Variants in PRRX1 observed in about 807,000 individuals in gnomAD.
PRRX1 encodes the protein paired related homeobox 1, also known as paired mesoderm homeobox protein 1.
Under a neutral mutation model 24.0 loss-of-function variants are expected in PRRX1, and 8 were observed. The observed-to-expected ratio is 0.33, with a 90% CI of 0.20 to 0.60. The LOEUF (loss-of-function observed/expected upper bound fraction) is 0.60. Among genes scored for constraint, PRRX1 ranks in the 20% least tolerant of loss-of-function variants. The pLI is 0.82. For missense variants in PRRX1, 281 were observed against 322.4 expected, an observed-to-expected ratio of 0.87 and a Z score of 0.98; for synonymous variants, 160 against 131.7, an observed-to-expected ratio of 1.22 and a Z score of -1.47.
At chr1:170,705,410 G>C (rs888519685) in intron 1 of PRRX1, among the ~76,000 whole-genome samples, 3 of 152,062 alleles carry the variant, frequency 2.0e-5, no homozygotes, top group African/African-American at 7.2e-5. Flanking sequence ...AGCCTCCCAG[G>C]TAGCTGGGAC....
At chr1:170,670,402 C>G (rs981356618) in intron 1 of PRRX1, among the ~76,000 whole-genome samples, 3 of 152,194 alleles carry the variant, frequency 2.0e-5, no homozygotes, top group African/African-American at 7.2e-5. Flanking sequence ...GCTGCCATGC[C>G]TCCTTTTCTC....
intron 1 of PRRX1, among the ~76,000 whole-genome samples, chr1:170,679,291 T>C (rs1045234648): frequency 2.0e-5 from 3 of 152,194 alleles, no homozygotes; most frequent in African/African-American, 7.2e-5. Flanking sequence ...ATAGCACTTA[T>C]TAGGCATCTG....
rs746264594 is a variant in PRRX1, at chr1:170,726,347, G to A, written c.545G>A (p.Arg182His). The change falls in exon 3 of 4, where the codon CGT becomes CAT. Residue 182 changes from arginine (R) to histidine (H), a missense_variant. Coordinates refer to ENST00000239461, the MANE Select transcript of PRRX1 (RefSeq NM_022716.4). ...GCTGTGGAGCAGCCCATCGTACCTC[G>A]TCCTGCTCCGAGACCCACCGATTAT... ...VTAVEQPIVP[R>H]PAPRPTDYLS... 5 of 1,613,990 alleles carry A rather than the reference G, an allele frequency of 3.1e-6. No homozygotes were observed. The highest frequency in any genetic ancestry group is 1.1e-5 in the South Asian group (1 of 91,070).
intron 1 of PRRX1, among the ~76,000 whole-genome samples, chr1:170,670,001 C>A (rs1653095176): frequency 6.6e-6 from 1 of 152,124 alleles, no homozygotes; most frequent in South Asian, 2.1e-4. Context: ...TGGGGGCTCG[C>A]ATTCTCTATC....
chr1:170,668,783 T>A (rs1322790020), intron 1 of PRRX1: 1 of 152,160 alleles, frequency 6.6e-6, no homozygotes, highest in Non-Finnish European at 1.5e-5. Context: ...AATTTTCTTA[T>A]GCAGCACCAT....
intron 1 of PRRX1, among the ~76,000 whole-genome samples, chr1:170,692,849 T>C (rs1359962861): frequency 2.0e-5 from 3 of 152,036 alleles, no homozygotes; most frequent in Non-Finnish European, 4.4e-5. Context: ...AGGCTTACCT[T>C]CTGCAGAAAG....
chr1:170,732,352 C>T (rs1257670038), intron 3 of PRRX1, among the ~76,000 whole-genome samples: 4 of 152,220 alleles, frequency 2.6e-5, no homozygotes, highest in Non-Finnish European at 5.9e-5. Context: ...TTGGCAGCCA[C>T]TCAAGGCTCT....
At chr1:170,684,566 A>C (rs984307372) in intron 1 of PRRX1, among the ~76,000 whole-genome samples, 1 of 152,234 alleles carries the variant, frequency 6.6e-6, no homozygotes, top group Non-Finnish European at 1.5e-5. Flanking sequence ...TAGCCTGGCC[A>C]ACATGGTGAA....
At chr1:170,722,424 C>A (rs955103027) in intron 2 of PRRX1, among the ~76,000 whole-genome samples, 1 of 151,916 alleles carries the variant, frequency 6.6e-6, no homozygotes, top group South Asian at 2.1e-4. Flanking sequence ...ACTCTTGAAC[C>A]CGGTTTTGTT....
Position 170,737,345 on chromosome 1 carries a change from G to T in PRRX1, c.*1159G>T, listed in dbSNP as rs753642199. 8 of 190,304 alleles carry T rather than the reference G, an allele frequency of 4.2e-5. No homozygotes were observed. The highest frequency in any genetic ancestry group is 8.8e-5 in the Non-Finnish European group (8 of 90,756). The allele number at this position is 190,304 out of a possible 1,614,324, so 11.8% of individuals were successfully genotyped here. ...ATTAAAGCCACAGAATAATTGATAG[G>T]GCAGCTGTTTGAGAACAGGTCCCAT... On this transcript the variant is annotated 3_prime_UTR_variant, in exon 4 of 4. Transcript: ENST00000239461.
At chr1:170,696,530 A>G (rs1422469375) in intron 1 of PRRX1, among the ~76,000 whole-genome samples, 1 of 152,158 alleles carries the variant, frequency 6.6e-6, no homozygotes, top group East Asian at 1.9e-4. Flanking sequence ...TTACGAATTC[A>G]ATTTTCCAGT....
chr1:170,738,223 T>G lies in PRRX1; in HGVS notation c.*2037T>G. On this transcript the variant is annotated 3_prime_UTR_variant, in exon 4 of 4. Transcript: ENST00000239461. Reference sequence around the variant, plus strand: ...TTGTAGTCTGAGTGACAGGCAAGGATTTTTGGGTTTAAGATGCACTTTTAG... The same window carrying G: ...TTGTAGTCTGAGTGACAGGCAAGGAGTTTTGGGTTTAAGATGCACTTTTAG... The G allele has an allele frequency of 4.5e-6, 1 of 224,064 alleles. No individual in the cohort carries two copies. Among genetic ancestry groups the G allele is most frequent in the Non-Finnish European group, 8.9e-6 (1 of 112,028 alleles). 13.9% of individuals were successfully genotyped at this position (224,064 alleles called of 1,614,324 possible). A position where few individuals can be genotyped will look rare whatever the true frequency, so the allele number is the denominator to read the frequency against.
rs755834640 is a variant in PRRX1 at position 170,726,296 on chromosome 1, T to A, written c.494T>A (p.Leu165His). Residue 165 changes from leucine (L) to histidine (H), a missense_variant, in exon 3 of 4, where the codon CTC becomes CAC. Leu to His is a moderately conservative substitution (Grantham distance 99). Coordinates refer to ENST00000239461, the MANE Select transcript of PRRX1 (RefSeq NM_022716.4). ...CTAGCCAATAAAAACGCTTCCCTCC[T>A]CAAATCCTACTCAGGAGACGTGACT... ...AMLANKNASL[L>H]KSYSGDVTAV... The A allele has an allele frequency of 3.7e-6, 6 of 1,613,930 alleles. No homozygotes were observed. In the African/African-American group the frequency reaches 6.7e-5, roughly 18 times the overall value.
intron 1 of PRRX1, among the ~76,000 whole-genome samples, chr1:170,695,886 T>C (rs576390832): frequency 8.5e-5 from 13 of 152,316 alleles, no homozygotes; most frequent in African/African-American, 3.1e-4. Flanking sequence ...GGAACCTTTA[T>C]TGAATGCATA....
intron 1 of PRRX1, among the ~76,000 whole-genome samples, chr1:170,718,887 T>G (rs1333865222): frequency 6.6e-6 from 1 of 152,222 alleles, no homozygotes; most frequent in African/African-American, 2.4e-5. Flanking sequence ...CTCACCACGC[T>G]ACCTTCAGGG....
In PRRX1 at chr1:170,664,374, G is replaced by A. The variant is rs771528011; in HGVS notation, c.156G>A (p.Gln52=). The change falls in exon 1 of 4, where the codon CAG becomes CAA. Residue 52 remains glutamine, a synonymous_variant. Coordinates refer to ENST00000239461, the MANE Select transcript of PRRX1 (RefSeq NM_022716.4). ...AAGCCGGGGACATGGTGGCGGCACA[G>A]GCGGATGAGAACGTGGGCGAGGCTG... is the stretch of plus-strand genomic sequence containing the variant. ...LEEAGDMVAA[Q]ADENVGEAGR... 2 of 1,613,860 alleles carry A rather than the reference G, an allele frequency of 1.2e-6. No homozygotes were observed. The highest frequency in any genetic ancestry group is 2.2e-5 in the South Asian group (2 of 91,042).
At chr1:170,713,616 A>G (rs951039004) in intron 1 of PRRX1, among the ~76,000 whole-genome samples, 2 of 152,210 alleles carry the variant, frequency 1.3e-5, no homozygotes, top group African/African-American at 4.8e-5. Context: ...AGCTATCTAC[A>G]CAGAACCACT....
At chr1:170,685,425 A>G (rs1216685057) in intron 1 of PRRX1, among the ~76,000 whole-genome samples, 1 of 152,142 alleles carries the variant, frequency 6.6e-6, no homozygotes, top group Non-Finnish European at 1.5e-5. Context: ...GAGCTAGGGG[A>G]TTTGTTAGGC....
At chr1:170,706,905 G>T (rs1654587591) in intron 1 of PRRX1, among the ~76,000 whole-genome samples, 1 of 152,018 alleles carries the variant, frequency 6.6e-6, no homozygotes, top group Non-Finnish European at 1.5e-5. Flanking sequence ...GAGGCAGGAG[G>T]ATTGCATGAG....
Sources: allele counts gnomAD v4.1 joint callset (sites outside exome capture counted in the v4.1 genomes callset), GRCh38; gene constraint gnomAD v4.1.1; transcripts MANE v1.5; gene names NCBI Gene and HGNC (gene_info 2026-07-23, HGNC 2026-07-21).